IL1RAPL1: variants seen among roughly 807,000 people sequenced by gnomAD.
The protein encoded by IL1RAPL1 is interleukin 1 receptor accessory protein like 1.
Under a neutral mutation model 48.4 loss-of-function variants are expected in IL1RAPL1, and 3 were observed. The ratio of observed to expected loss-of-function variants is 0.06; its 90% confidence interval spans 0.03 to 0.16. The LOEUF is 0.16. Among genes scored for constraint, IL1RAPL1 ranks in the 10% least tolerant of loss-of-function variants. The pLI, the probability that IL1RAPL1 is intolerant of heterozygous loss-of-function variation, is 1.00. For synonymous variants in IL1RAPL1, 185 were observed against 187.7 expected, an observed-to-expected ratio of 0.99 and a Z score of 0.12; for missense variants, 349 against 530.6, an observed-to-expected ratio of 0.66 and a Z score of 3.36.
At chrX:29,394,227 G>A in intron 3 of IL1RAPL1, among the ~76,000 whole-genome samples, 1 of 110,925 alleles carries the variant, frequency 9.0e-6, no homozygotes, top group East Asian at 2.8e-4. Context: ...GTTTCTGAGT[G>A]AATGCAGTTG....
In IL1RAPL1 at chrX:28,876,386, A is replaced by G. The variant is rs115290946; in HGVS notation, c.82+86961A>G. Among the ~76,000 whole-genome samples the G allele has an allele frequency of 7.5e-3, 844 of 112,410 alleles. 7 individuals are homozygous for G. Among genetic ancestry groups the G allele is most frequent in the African/African-American group, 0.026 (804 of 30,944 alleles). On this transcript the variant is annotated intron_variant, in intron 2 of 10. Transcript: ENST00000378993. The stretch of plus-strand genomic sequence containing the variant: ...TATTCTCATGACCCTGCCAAGGGCA[A>G]GGTGGCAAAGAAGTACCATTCTTTC...
intron 6 of IL1RAPL1, among the ~76,000 whole-genome samples, chrX:29,738,624 G>A (rs1166731168): frequency 2.7e-5 from 3 of 109,489 alleles, no homozygotes; most frequent in Non-Finnish European, 5.7e-5. Context: ...ATTTTTTGTA[G>A]AAATGGGGTT....
At chrX:29,446,743 G>T (rs1380796404) in intron 5 of IL1RAPL1, among the ~76,000 whole-genome samples, 3 of 111,359 alleles carry the variant, frequency 2.7e-5, no homozygotes, top group Non-Finnish European at 3.8e-5. Flanking sequence ...TGCTCTTGGA[G>T]AAACCAGTTA....
intron 1 of IL1RAPL1, among the ~76,000 whole-genome samples, chrX:28,739,264 A>G (rs1318892031): frequency 9.0e-6 from 1 of 111,381 alleles, no homozygotes; most frequent in African/African-American, 3.3e-5. Context: ...CACGGAGTCT[A>G]TATTTTCCAT....
At chrX:29,397,150 A>G (rs1933929167) in intron 4 of IL1RAPL1, among the ~76,000 whole-genome samples, 1 of 112,286 alleles carries the variant, frequency 8.9e-6, no homozygotes, top group African/African-American at 3.2e-5. Context: ...CTCAAAAAAT[A>G]AAGTATAGAT....
At chrX:29,668,534 G>A in intron 6 of IL1RAPL1, 30 bp downstream of exon 6, 1 of 1,012,875 alleles carries the variant, frequency 9.9e-7, no homozygotes, top group Non-Finnish European at 1.4e-6. Flanking sequence ...TAGTTAATAT[G>A]CTGCTCTCGT....
chrX:29,155,038 G>A (rs373496008), intron 2 of IL1RAPL1, among the ~76,000 whole-genome samples: 6 of 100,282 alleles, frequency 6.0e-5, no homozygotes, highest in Admixed American at 1.1e-4. Context: ...ACAGAGTTTC[G>A]CTCTTGTTGC....
At chrX:29,511,479 G>T (rs1935392699) in intron 5 of IL1RAPL1, among the ~76,000 whole-genome samples, 1 of 111,444 alleles carries the variant, frequency 9.0e-6, no homozygotes, top group South Asian at 3.7e-4. Context: ...CATAATTGCT[G>T]ACAAAAATTT....
At chrX:29,384,754 T>C (rs1051402749) in intron 3 of IL1RAPL1, among the ~76,000 whole-genome samples, 1 of 112,236 alleles carries the variant, frequency 8.9e-6, no homozygotes, top group African/African-American at 3.2e-5. Flanking sequence ...TGGTGTAGTA[T>C]ATGTCACAAA....
At chrX:29,330,677 T>A (rs887591418) in intron 3 of IL1RAPL1, among the ~76,000 whole-genome samples, 4 of 111,323 alleles carry the variant, frequency 3.6e-5, no homozygotes, top group Admixed American at 1.9e-4. Context: ...TGTTACTCTT[T>A]CCTTCTCTTC....
rs771828564 is a variant in IL1RAPL1, at chrX:28,849,088, C to G, written c.82+59663C>G. Among the ~76,000 whole-genome samples the G allele has an allele frequency of 2.4e-3, 261 of 108,009 alleles. 1 individual carries two copies. The highest frequency in any genetic ancestry group is 3.6e-3 in the Non-Finnish European group (186 of 52,359). 93.8% of individuals were successfully genotyped at this position (108,009 alleles called of 115,157 possible). ...ATTTTATAAAATCCTTTATACTTAC[C>G]TATGTAGAGCTTGGAGTTTACTATC... On this transcript the variant is annotated intron_variant, in intron 2 of 10. Coordinates refer to ENST00000378993, the MANE Select transcript of IL1RAPL1 (RefSeq NM_014271.4).
chrX:29,074,405 A>G (rs1271907990), intron 2 of IL1RAPL1, among the ~76,000 whole-genome samples: 1 of 111,748 alleles, frequency 8.9e-6, no homozygotes, highest in Non-Finnish European at 1.9e-5. Context: ...CTCATTTTTA[A>G]GCATCTTAAA....
intron 2 of IL1RAPL1, among the ~76,000 whole-genome samples, chrX:29,020,336 C>T (rs1926335775): frequency 8.9e-6 from 1 of 112,084 alleles, no homozygotes; most frequent in South Asian, 3.7e-4. Flanking sequence ...GATTCTAATA[C>T]TGTATTTTTA....
At chrX:29,301,351 C>G (rs999606676) in intron 3 of IL1RAPL1, among the ~76,000 whole-genome samples, 5 of 111,982 alleles carry the variant, frequency 4.5e-5, no homozygotes, top group Non-Finnish European at 5.6e-5. Flanking sequence ...TTTGGATTGA[C>G]TTTCTTGTTA....
intron 1 of IL1RAPL1, among the ~76,000 whole-genome samples, chrX:28,625,737 C>CGCGTGTGTGT (rs1555911148): frequency 1.0e-5 from 1 of 99,294 alleles, no homozygotes; most frequent in African/African-American, 3.7e-5. Flanking sequence ...AATCAAAATG[C>CGCGTGTGTGT]GTGTGTGTGT....
chrX:29,469,218 T>G (rs759396834), intron 5 of IL1RAPL1, among the ~76,000 whole-genome samples: 59 of 112,264 alleles, frequency 5.3e-4, no homozygotes, highest in Non-Finnish European at 9.9e-4. Flanking sequence ...ATATTCTGCT[T>G]AACAATATGA....
intron 2 of IL1RAPL1, among the ~76,000 whole-genome samples, chrX:29,195,130 T>C (rs1930418761): frequency 8.9e-6 from 1 of 111,780 alleles, no homozygotes; most frequent in Admixed American, 9.6e-5. Context: ...TTTCCCAGAG[T>C]CTTATATATT....
intron 1 of IL1RAPL1, among the ~76,000 whole-genome samples, chrX:28,746,511 C>T: frequency 9.0e-6 from 1 of 111,299 alleles, no homozygotes; most frequent in Middle Eastern, 4.8e-3. Flanking sequence ...TTTTGATATC[C>T]TATTTTATAA....
chrX:28,896,428 T>C (rs1180723658), intron 2 of IL1RAPL1, among the ~76,000 whole-genome samples: 1 of 111,774 alleles, frequency 8.9e-6, no homozygotes, highest in Non-Finnish European at 1.9e-5. Context: ...TTTTTCATAT[T>C]TGATGAAAGA....
Sources: allele counts gnomAD v4.1 joint callset (sites outside exome capture counted in the v4.1 genomes callset), GRCh38; gene constraint gnomAD v4.1.1; transcripts MANE v1.5; gene names NCBI Gene and HGNC (gene_info 2026-07-23, HGNC 2026-07-21).